Variants in L3MBTL1 observed in about 807,000 individuals in gnomAD.
L3MBTL1 encodes the protein lethal(3)malignant brain tumor-like protein 1.
In L3MBTL1, 75 loss-of-function variants were observed where a neutral mutation model predicts 105.3. The ratio of observed to expected loss-of-function variants is 0.71; its 90% confidence interval spans 0.59 to 0.86. L3MBTL1 has a LOEUF of 0.86. Ranked by LOEUF, L3MBTL1 falls within the 40% of genes least tolerant of loss-of-function variation. The probability of loss-of-function intolerance (pLI) is 0.00; values close to 1 mark genes in which losing one functional copy is unlikely to be tolerated. For missense variants in L3MBTL1, 1,069 were observed against 1,126.4 expected (o/e 0.95, Z 0.73); for synonymous variants, 452 against 436.2 (o/e 1.04, Z -0.45).
chr20:43,515,995 C>T, intron 6 of L3MBTL1, 98 bp from the exon 7 acceptor site: 1 of 891,912 alleles, frequency 1.1e-6, no homozygotes, highest in East Asian at 2.5e-5. Flanking sequence ...GGCAGAACAC[C>T]ACATGGCCAG....
downstream of L3MBTL1, among the ~76,000 whole-genome samples, chr20:43,545,209 T>C (rs953374244): frequency 2.7e-5 from 4 of 150,138 alleles, no homozygotes; most frequent in Non-Finnish European, 5.9e-5. Flanking sequence ...ATACGAAAAA[T>C]ACAAAATTAG....
chr20:43,535,158 G>A (rs1271372542), intron 16 of L3MBTL1, among the ~76,000 whole-genome samples: 1 of 152,124 alleles, frequency 6.6e-6, no homozygotes, highest in Non-Finnish European at 1.5e-5. Context: ...GGTTTGGGGT[G>A]TTGAGGTGCA....
chr20:43,514,073 T>A lies in L3MBTL1; in HGVS notation c.360+12T>A, dbSNP rs1289444498. 1.3e-5 allele frequency: 20 copies of A among 1,529,346 alleles called. No individual in the cohort carries two copies. The highest frequency in any genetic ancestry group is 1.7e-5 in the Non-Finnish European group (20 of 1,143,102). 94.7% of individuals were successfully genotyped at this position (1,529,346 alleles called of 1,614,324 possible). ...GGGGCGGCCTGCGGGTCAGTGTCTG[T>A]GGGGATTGGCTAAGCCTCGTAAACC... On this transcript the variant is annotated intron_variant, in intron 3 of 21. Transcript: ENST00000418998.
rs1344145988 is a variant in L3MBTL1 at position 43,513,498 on chromosome 20, G to A, written c.-6G>A. ...TAGGCCTGCCAGGATGGAGGGGCATGCTGGGATGGAGGGGCATGCTGAAAT... is the reference window on the plus strand; with the variant it reads ...TAGGCCTGCCAGGATGGAGGGGCATACTGGGATGGAGGGGCATGCTGAAAT... On this transcript the variant is annotated 5_prime_UTR_variant, in exon 2 of 22. The change abolishes an upstream ATG in the 5' untranslated region. Transcript: ENST00000418998. 1.3e-6 allele frequency: 2 copies of A among 1,550,164 alleles called. No homozygotes were observed. The highest frequency in any genetic ancestry group is 1.7e-6 in the Non-Finnish European group (2 of 1,146,692).
chr20:43,528,597 C>T (rs2071972), intron 7 of L3MBTL1, 60 bp from the exon 8 acceptor site: 384,528 of 1,314,248 alleles, frequency 0.29, 58,466 homozygotes, highest in African/African-American at 0.47. Flanking sequence ...CAGGGGAAGC[C>T]GAAGAAAGTC....
intron 10 of L3MBTL1, 68 bp from the exon 11 acceptor site, chr20:43,530,730 C>T: frequency 1.4e-6 from 2 of 1,431,636 alleles, no homozygotes; most frequent in Admixed American, 1.7e-5. Context: ...TGCTGCTTCA[C>T]TGTGGGGTGC....
chr20:43,527,662 T>C (rs542450393), intron 7 of L3MBTL1, among the ~76,000 whole-genome samples: 2 of 147,800 alleles, frequency 1.4e-5, no homozygotes, highest in East Asian at 3.9e-4. Context: ...CAAGCACACA[T>C]ATACACATTT....
exon 19 of L3MBTL1, chr20:43,549,316 C>T (rs139256758): frequency 1.3e-5 from 2 of 152,394 alleles, no homozygotes; most frequent in East Asian, 3.9e-4. Context: ...GCACACACCC[C>T]CATGACATCA....
intron 8 of L3MBTL1, chr20:43,528,952 T>C (rs1179868693): frequency 2.6e-5 from 16 of 607,336 alleles, no homozygotes; most frequent in Non-Finnish European, 4.1e-5. Context: ...AGGTGGAAGC[T>C]AGGCTCACTC....
At chr20:43,533,647 A>G (rs1319514447) in intron 13 of L3MBTL1, among the ~76,000 whole-genome samples, 2 of 152,126 alleles carry the variant, frequency 1.3e-5, no homozygotes, top group Non-Finnish European at 2.9e-5. Context: ...AAGTTACATG[A>G]CCATCTCAGC....
chr20:43,530,441 C>T, intron 10 of L3MBTL1, 22 bp downstream of exon 10: 1 of 1,611,142 alleles, frequency 6.2e-7, no homozygotes, highest in Non-Finnish European at 8.5e-7. Context: ...CTGGGTTGGT[C>T]ACAGTGAGGC....
intron 1 of L3MBTL1, among the ~76,000 whole-genome samples, chr20:43,512,334 C>G (rs966866590): frequency 1.3e-5 from 2 of 152,128 alleles, no homozygotes; most frequent in African/African-American, 2.4e-5. Flanking sequence ...ACGTCTAAAG[C>G]TGTGCTGTCC....
At chr20:43,522,662 G>A (rs2145417091) in intron 7 of L3MBTL1, among the ~76,000 whole-genome samples, 2 of 151,136 alleles carry the variant, frequency 1.3e-5, no homozygotes. Flanking sequence ...TGTAGAGACA[G>A]GGTTCCGCCA....
intron 12 of L3MBTL1, 125 bp from the exon 13 acceptor site, chr20:43,533,217 C>T: frequency 2.4e-6 from 2 of 834,284 alleles, no homozygotes; most frequent in Non-Finnish European, 1.9e-6. Flanking sequence ...CTAACTTTGT[C>T]CTTGCCATCT....
At chr20:43,548,351 A>G in exon 19 of L3MBTL1, 1 of 1,032,254 alleles carries the variant, frequency 9.7e-7, no homozygotes, top group Admixed American at 2.7e-5. Context: ...CCCATGCTCC[A>G]CCTATATCTG....
At chr20:43,533,514 C>G (rs113657496) in intron 13 of L3MBTL1, 96 bp downstream of exon 13, 11 of 1,036,706 alleles carry the variant, frequency 1.1e-5, no homozygotes, top group African/African-American at 8.0e-5. Flanking sequence ...AGCTGGCTCT[C>G]TAGGGTCAGG....
chr20:43,514,369 G>C, intron 3 of L3MBTL1: 1 of 1,346,596 alleles, frequency 7.4e-7, no homozygotes, highest in Middle Eastern at 2.6e-4. Flanking sequence ...GCTTAGAGTG[G>C]GGTACCGTGG....
intron 7 of L3MBTL1, among the ~76,000 whole-genome samples, chr20:43,518,262 G>A (rs556344346): frequency 6.6e-6 from 1 of 151,708 alleles, no homozygotes; most frequent in Non-Finnish European, 1.5e-5. Flanking sequence ...AGAAGAATCT[G>A]GGGGGTGGGA....
intron 16 of L3MBTL1, 138 bp downstream of exon 16, chr20:43,535,080 C>G (rs960290700): frequency 6.6e-6 from 4 of 608,814 alleles, no homozygotes; most frequent in Non-Finnish European, 1.2e-5. Flanking sequence ...GTTCCAGAAT[C>G]CCCCATCTGC....
Sources: gnomAD v4.1 joint callset for allele counts (sites outside exome capture counted in the v4.1 genomes callset) on GRCh38, gnomAD v4.1.1 for gene constraint, MANE v1.5 for transcripts, NCBI Gene and HGNC (gene_info 2026-07-23, HGNC 2026-07-21) for gene names.